The following NIBAN1 variants were observed in gnomAD, a reference collection of about 807,000 sequenced individuals.
The protein encoded by NIBAN1 is protein Niban 1.
NIBAN1 carries 81 observed loss-of-function variants against 75.1 expected under a neutral mutation model. The observed-to-expected ratio is 1.08, with a 90% CI of 0.90 to 1.30. NIBAN1 has a LOEUF of 1.30. Among genes scored for constraint, NIBAN1 ranks in the 50% most tolerant of loss-of-function variants. The probability of loss-of-function intolerance (pLI) is 0.00; values close to 1 mark genes in which losing one functional copy is unlikely to be tolerated. For synonymous variants in NIBAN1, 436 were observed against 424.8 expected (o/e 1.03, Z -0.32); for missense variants, 1,133 against 1,128.1 (o/e 1.00, Z -0.06).
intron 1 of NIBAN1, among the ~76,000 whole-genome samples, chr1:184,954,247 A>C (rs947741874): frequency 1.3e-5 from 2 of 152,214 alleles, no homozygotes; most frequent in African/African-American, 4.8e-5. Context: ...ATAGGTCTAG[A>C]GTGGAAGCCA....
At chr1:184,962,116 T>C (rs1433908586) in intron 1 of NIBAN1, among the ~76,000 whole-genome samples, 1 of 152,188 alleles carries the variant, frequency 6.6e-6, no homozygotes, top group East Asian at 1.9e-4. Context: ...AACACTTCAT[T>C]GTGAAACAAA....
chr1:184,858,524 C>CA (rs974402757), intron 5 of NIBAN1, among the ~76,000 whole-genome samples: 129 of 147,650 alleles, frequency 8.7e-4, no homozygotes, highest in Middle Eastern at 3.5e-3. Flanking sequence ...ATCAGCTTGT[C>CA]AAAAAAAAAC....
At chr1:184,914,033 T>C (rs1029562133) in intron 1 of NIBAN1, among the ~76,000 whole-genome samples, 1 of 152,220 alleles carries the variant, frequency 6.6e-6, no homozygotes, top group Non-Finnish European at 1.5e-5. Flanking sequence ...CATAGACATC[T>C]AGGCTTTCAG....
Position 184,791,215 on chromosome 1 carries a change from G to A in NIBAN1, c.*3762C>T. Reference sequence around the variant, plus strand: ...CAAACCCGTCTCTTTATGGTAAAGTGTGAAGGCACATGTTGCCAACTGTTG... The same window carrying A: ...CAAACCCGTCTCTTTATGGTAAAGTATGAAGGCACATGTTGCCAACTGTTG... On this transcript the variant is annotated 3_prime_UTR_variant, in exon 14 of 14. Transcript: ENST00000367511. 2 of 336,870 alleles carry A rather than the reference G, an allele frequency of 5.9e-6. No individual in the cohort carries two copies. The highest frequency in any genetic ancestry group is 1.2e-5 in the Non-Finnish European group (2 of 170,402). The allele number at this position is 336,870 out of a possible 1,614,324, so 20.9% of individuals were successfully genotyped here.
intron 5 of NIBAN1, among the ~76,000 whole-genome samples, chr1:184,839,636 C>G (rs1263471971): frequency 6.6e-6 from 1 of 151,536 alleles, no homozygotes; most frequent in African/African-American, 2.4e-5. Flanking sequence ...ACTCTTGTTG[C>G]CCAGGCTGGA....
intron 1 of NIBAN1, among the ~76,000 whole-genome samples, chr1:184,954,720 T>TGTTTG (rs1658439153): frequency 1.3e-5 from 2 of 152,156 alleles, no homozygotes; most frequent in South Asian, 2.1e-4. Flanking sequence ...ATCTTGGAAA[T>TGTTTG]GTTTGGTTTG....
intron 1 of NIBAN1, among the ~76,000 whole-genome samples, chr1:184,943,718 A>G (rs996164356): frequency 6.6e-6 from 1 of 152,096 alleles, no homozygotes; most frequent in East Asian, 1.9e-4. Context: ...AATAATAATA[A>G]TAATAAATAA....
chr1:184,810,657 C>T (rs1055403812), intron 9 of NIBAN1, among the ~76,000 whole-genome samples: 1 of 152,206 alleles, frequency 6.6e-6, no homozygotes, highest in African/African-American at 2.4e-5. Flanking sequence ...TGAGTTGTAA[C>T]CAGTCTCACT....
At chr1:184,952,842 A>C (rs1263667004) in intron 1 of NIBAN1, among the ~76,000 whole-genome samples, 1 of 152,230 alleles carries the variant, frequency 6.6e-6, no homozygotes, top group Non-Finnish European at 1.5e-5. Context: ...TATGTGCCAG[A>C]ACCAGGATTC....
chr1:184,861,691 G>A (rs1183090279), intron 5 of NIBAN1, among the ~76,000 whole-genome samples: 1 of 147,206 alleles, frequency 6.8e-6, no homozygotes, highest in African/African-American at 2.5e-5. Flanking sequence ...GAAGGAGTGA[G>A]GGAAGGAAAG....
chr1:184,838,058 T>C (rs1315192334), intron 5 of NIBAN1, among the ~76,000 whole-genome samples: 2 of 152,202 alleles, frequency 1.3e-5, no homozygotes, highest in Admixed American at 1.3e-4. Context: ...GGATACTTTC[T>C]TTTTCTGATC....
chr1:184,877,102 C>T (rs770237885), intron 5 of NIBAN1, among the ~76,000 whole-genome samples: 6 of 152,094 alleles, frequency 3.9e-5, no homozygotes, highest in African/African-American at 1.2e-4. Flanking sequence ...AAATGTCTAT[C>T]TAGAGTAACA....
At chr1:184,961,145 T>C (rs1658630906) in intron 1 of NIBAN1, among the ~76,000 whole-genome samples, 1 of 133,774 alleles carries the variant, frequency 7.5e-6, no homozygotes, top group African/African-American at 2.8e-5. Context: ...CTCGGCTCAC[T>C]GCAAGCTCCG....
intron 5 of NIBAN1, among the ~76,000 whole-genome samples, chr1:184,841,134 C>T (rs762850568): frequency 9.2e-5 from 14 of 152,086 alleles, no homozygotes; most frequent in South Asian, 2.1e-4. Context: ...GGGTACAATA[C>T]GGATAAATGA....
intron 8 of NIBAN1, among the ~76,000 whole-genome samples, chr1:184,820,790 G>T (rs1654676142): frequency 1.3e-5 from 2 of 152,216 alleles, no homozygotes; most frequent in Admixed American, 1.3e-4. Context: ...CCGAATTTCT[G>T]CCTCAGTATT....
chr1:184,930,022 T>A (rs1319323847), intron 1 of NIBAN1, among the ~76,000 whole-genome samples: 1 of 152,158 alleles, frequency 6.6e-6, no homozygotes, highest in African/African-American at 2.4e-5. Context: ...GATCAGGACA[T>A]CAGCTCCAAG....
intron 5 of NIBAN1, among the ~76,000 whole-genome samples, chr1:184,882,015 C>T (rs1325519763): frequency 2.0e-5 from 3 of 152,152 alleles, no homozygotes; most frequent in Non-Finnish European, 2.9e-5. Flanking sequence ...CTGGTTCACA[C>T]GCCTCTGATA....
chr1:184,816,855 G>T (rs1206607293), intron 9 of NIBAN1, among the ~76,000 whole-genome samples: 1 of 151,008 alleles, frequency 6.6e-6, no homozygotes, highest in Non-Finnish European at 1.5e-5. Flanking sequence ...TGACCAAAAG[G>T]GGGGAATTAT....
chr1:184,948,119 A>C (rs187780005), intron 1 of NIBAN1, among the ~76,000 whole-genome samples: 87 of 152,134 alleles, frequency 5.7e-4, no homozygotes, highest in Admixed American at 1.1e-3. Flanking sequence ...CAAAAATAGG[A>C]AATAAAAAAA....
Sources: gnomAD v4.1 joint callset for allele counts (sites outside exome capture counted in the v4.1 genomes callset) on GRCh38, gnomAD v4.1.1 for gene constraint, MANE v1.5 for transcripts, NCBI Gene and HGNC (gene_info 2026-07-23, HGNC 2026-07-21) for gene names.